The following ARIH1 variants were observed in gnomAD, a reference collection of about 807,000 sequenced individuals.
ARIH1 encodes the protein ariadne RBR E3 ubiquitin protein ligase 1, also known as E3 ubiquitin-protein ligase ARIH1.
In ARIH1, 8 loss-of-function variants were observed where a neutral mutation model predicts 85.0. The observed-to-expected ratio is 0.09, with a 90% CI of 0.06 to 0.17. The LOEUF is 0.17. Ranked by LOEUF, ARIH1 falls within the 10% of genes least tolerant of loss-of-function variation. The pLI is 1.00. For missense variants in ARIH1, 311 were observed against 718.1 expected, an observed-to-expected ratio of 0.43 and a Z score of 6.48; for synonymous variants, 238 against 253.6, an observed-to-expected ratio of 0.94 and a Z score of 0.59.
chr15:72,490,115 C>G (rs535000291), intron 1 of ARIH1, among the ~76,000 whole-genome samples: 1 of 151,960 alleles, frequency 6.6e-6, no homozygotes, highest in East Asian at 1.9e-4. Context: ...GTAATCCCAG[C>G]ACTTTGGGAG....
intron 5 of ARIH1, among the ~76,000 whole-genome samples, chr15:72,556,495 C>T (rs2064175145): frequency 6.6e-6 from 1 of 152,242 alleles, no homozygotes; most frequent in African/African-American, 2.4e-5. Context: ...TTTGCTGAAA[C>T]ACTGCTGCTG....
At chr15:72,539,673 G>A (rs1375972280) in intron 2 of ARIH1, among the ~76,000 whole-genome samples, 1 of 152,138 alleles carries the variant, frequency 6.6e-6, no homozygotes, top group East Asian at 1.9e-4. Context: ...ATATCCAAAT[G>A]ACATTTCAAA....
chr15:72,578,821 G>GT (rs66609745), intron 11 of ARIH1, among the ~76,000 whole-genome samples: 2,570 of 145,276 alleles, frequency 0.018, 73 homozygotes, highest in African/African-American at 0.061. Flanking sequence ...TTGGTGTTTT[G>GT]TTTTTTTTTT....
intron 1 of ARIH1, among the ~76,000 whole-genome samples, chr15:72,478,711 G>A (rs1207556388): frequency 6.6e-6 from 1 of 152,092 alleles, no homozygotes; most frequent in African/African-American, 2.4e-5. Flanking sequence ...CTGTATTTTA[G>A]CCTTCTAGTG....
At chr15:72,556,729 C>T (rs1426389307) in intron 5 of ARIH1, among the ~76,000 whole-genome samples, 1 of 152,216 alleles carries the variant, frequency 6.6e-6, no homozygotes, top group Non-Finnish European at 1.5e-5. Flanking sequence ...CCTACCCACT[C>T]TAGTAGTCCC....
chr15:72,489,543 C>T (rs1010001448), intron 1 of ARIH1, among the ~76,000 whole-genome samples: 1 of 152,174 alleles, frequency 6.6e-6, no homozygotes, highest in Admixed American at 6.5e-5. Context: ...GTAAAAATTA[C>T]TAGTTTTCTA....
intron 7 of ARIH1, among the ~76,000 whole-genome samples, chr15:72,565,972 C>T (rs1368963034): frequency 1.3e-5 from 2 of 151,922 alleles, no homozygotes; most frequent in Non-Finnish European, 2.9e-5. Context: ...GTTAATTATA[C>T]TTCTTTTACA....
chr15:72,497,914 A>T (rs1567339826), intron 1 of ARIH1, among the ~76,000 whole-genome samples: 1 of 152,176 alleles, frequency 6.6e-6, no homozygotes. Flanking sequence ...AACTCCATAT[A>T]CTATATTGAG....
chr15:72,555,829 G>A (rs755693278), intron 4 of ARIH1, 23 bp from the exon 5 acceptor site: 4 of 1,607,030 alleles, frequency 2.5e-6, no homozygotes, highest in Non-Finnish European at 3.4e-6. Flanking sequence ...AATGAAGACA[G>A]TTTAAATTTC....
intron 1 of ARIH1, among the ~76,000 whole-genome samples, chr15:72,476,740 C>T (rs931571445): frequency 6.6e-6 from 1 of 152,116 alleles, no homozygotes; most frequent in African/African-American, 2.4e-5. Flanking sequence ...CACCCAGAGA[C>T]GTACAACAAA....
chr15:72,521,020 T>C (rs1232014742), intron 2 of ARIH1, among the ~76,000 whole-genome samples: 1 of 151,950 alleles, frequency 6.6e-6, no homozygotes, highest in African/African-American at 2.4e-5. Flanking sequence ...GTTTTTATAT[T>C]TTTTTGTAGA....
intron 11 of ARIH1, among the ~76,000 whole-genome samples, chr15:72,580,104 C>G (rs1233171219): frequency 1.3e-5 from 2 of 152,152 alleles, no homozygotes; most frequent in Non-Finnish European, 2.9e-5. Flanking sequence ...TCTATCCCCG[C>G]AAGCCTCTGG....
intron 5 of ARIH1, among the ~76,000 whole-genome samples, chr15:72,558,737 C>T (rs951182848): frequency 1.3e-5 from 2 of 152,200 alleles, no homozygotes; most frequent in Non-Finnish European, 2.9e-5. Flanking sequence ...CTTTTACTTC[C>T]TTATCAATAT....
chr15:72,512,766 A>G (rs575501009), intron 1 of ARIH1, among the ~76,000 whole-genome samples: 12 of 151,930 alleles, frequency 7.9e-5, no homozygotes, highest in African/African-American at 2.7e-4. Flanking sequence ...TCCTCTTTCA[A>G]GCTTGGATTT....
At position 72,474,472 on chromosome 15, in the gene ARIH1, C is replaced by T; in HGVS notation, c.-168C>T. On this transcript the variant is annotated 5_prime_UTR_variant, in exon 1 of 14. Coordinates refer to ENST00000379887, the MANE Select transcript of ARIH1 (RefSeq NM_005744.5). ...TCCTCCGCGCCCTCCCCGCCGCCAC[C>T]AGCCGTCAAACGCCAACCGCCGCTC... 3 of 895,744 alleles carry T rather than the reference C, an allele frequency of 3.3e-6. No homozygotes were observed. The highest frequency in any genetic ancestry group is 4.8e-6 in the Non-Finnish European group (3 of 622,716). The allele number at this position is 895,744 out of a possible 1,614,324, so 55.5% of individuals were successfully genotyped here. A position where few individuals can be genotyped will look rare whatever the true frequency, so the allele number is the denominator to read the frequency against.
intron 2 of ARIH1, among the ~76,000 whole-genome samples, chr15:72,524,651 T>C (rs948111029): frequency 2.2e-4 from 34 of 152,236 alleles, no homozygotes; most frequent in Non-Finnish European, 1.6e-4. Flanking sequence ...CCCCAAAAAG[T>C]ACTGGATGAT....
chr15:72,568,250 G>A (rs1334621294), intron 9 of ARIH1, among the ~76,000 whole-genome samples: 1 of 151,718 alleles, frequency 6.6e-6, no homozygotes, highest in Admixed American at 6.6e-5. Context: ...TACTTGTTTT[G>A]TTATTAAAAA....
At chr15:72,543,598 T>G (rs2064117125) in intron 2 of ARIH1, among the ~76,000 whole-genome samples, 1 of 152,208 alleles carries the variant, frequency 6.6e-6, no homozygotes, top group Non-Finnish European at 1.5e-5. Flanking sequence ...TATGGTTTGT[T>G]CTCATTTGAA....
rs1415920989 is a variant in ARIH1 at position 72,474,391 on chromosome 15, C to T, written c.-249C>T. ...GACTGTTTTCTCTCGGAGGCCGGAGCGGAGCCGCGTCTGACTGAGGCGGGC... is the reference window on the plus strand; with the variant it reads ...GACTGTTTTCTCTCGGAGGCCGGAGTGGAGCCGCGTCTGACTGAGGCGGGC... On this transcript the variant is annotated 5_prime_UTR_variant, in exon 1 of 14. Coordinates refer to ENST00000379887, the MANE Select transcript of ARIH1 (RefSeq NM_005744.5). 1 of 517,814 alleles carries T rather than the reference C, an allele frequency of 1.9e-6. No individual in the cohort carries two copies. Among genetic ancestry groups the T allele is most frequent in the South Asian group, 2.2e-5 (1 of 46,504 alleles). The allele number at this position is 517,814 out of a possible 1,614,324, so 32.1% of individuals were successfully genotyped here. A position where few individuals can be genotyped will look rare whatever the true frequency, so the allele number is the denominator to read the frequency against.
Sources: allele counts gnomAD v4.1 joint callset (sites outside exome capture counted in the v4.1 genomes callset), GRCh38; gene constraint gnomAD v4.1.1; transcripts MANE v1.5; gene names NCBI Gene and HGNC (gene_info 2026-07-23, HGNC 2026-07-21).